The following MVB12B variants were observed in gnomAD, a reference collection of about 807,000 sequenced individuals.
MVB12B encodes the protein ESCRT-I complex subunit MVB12B.
Under a neutral mutation model 41.6 loss-of-function variants are expected in MVB12B, and 16 were observed. The ratio of observed to expected loss-of-function variants is 0.38; its 90% CI spans 0.26 to 0.58. The LOEUF (loss-of-function observed/expected upper bound fraction) is 0.58. Among genes scored for constraint, MVB12B ranks in the 20% least tolerant of loss-of-function variants. The pLI, the probability that MVB12B is intolerant of heterozygous loss-of-function variation, is 0.62. For missense variants in MVB12B, 274 were observed against 380.2 expected, an observed-to-expected ratio of 0.72 and a Z score of 2.32; for synonymous variants, 133 against 139.7, an observed-to-expected ratio of 0.95 and a Z score of 0.34.
chr9:126,342,689 C>T (rs1289079773), intron 2 of MVB12B, among the ~76,000 whole-genome samples: 1 of 152,170 alleles, frequency 6.6e-6, no homozygotes, highest in Non-Finnish European at 1.5e-5. Flanking sequence ...TGGTACTGGC[C>T]TCTGGACTGT....
chr9:126,390,616 T>C (rs529301083), intron 4 of MVB12B, among the ~76,000 whole-genome samples: 1 of 152,190 alleles, frequency 6.6e-6, no homozygotes, highest in African/African-American at 2.4e-5. Flanking sequence ...GGAGACCAAA[T>C]AGTTGATGAA....
chr9:126,359,110 G>A (rs1461901968), intron 2 of MVB12B, among the ~76,000 whole-genome samples: 1 of 150,846 alleles, frequency 6.6e-6, no homozygotes, highest in Non-Finnish European at 1.5e-5. Context: ...GCCCAGGCTG[G>A]TATCCAGTCT....
At chr9:126,331,921 A>G (rs1829141492) in intron 1 of MVB12B, among the ~76,000 whole-genome samples, 1 of 152,274 alleles carries the variant, frequency 6.6e-6, no homozygotes, top group South Asian at 2.1e-4. Flanking sequence ...AATCTCTTCC[A>G]TTAGACCACT....
In MVB12B at chr9:126,336,754, G is replaced by GCGCACA. The variant is rs1554766432; in HGVS notation, c.82-3753_82-3752insGCACAC. 1.1e-3 allele frequency among the ~76,000 whole-genome samples: 158 copies of GCGCACA among 150,402 alleles called. 1 individual carries two copies. Among genetic ancestry groups the GCGCACA allele is most frequent in the African/African-American group, 2.0e-3 (81 of 40,870 alleles). On this transcript the variant is annotated intron_variant, in intron 1 of 9. Coordinates refer to ENST00000361171, the MANE Select transcript of MVB12B (RefSeq NM_033446.3). ...CGCACATACATGTTTGTGTGTGCAC[G>GCGCACA]CACACACACACACACACACACACAC...
In MVB12B at chr9:126,436,428, G is replaced by T. The variant is rs1832481136; in HGVS notation, c.757+14480G>T. Among the ~76,000 whole-genome samples, 1 of 152,242 alleles carries T rather than the reference G, an allele frequency of 6.6e-6. No homozygotes were observed. The highest frequency in any genetic ancestry group is 2.4e-5 in the African/African-American group (1 of 41,466). ...AGATTAATTGTAGCCCTCGCAGTGGGTGGAGTTTCAAAGTCAATTACTGCT... is the reference window on the plus strand; with the variant it reads ...AGATTAATTGTAGCCCTCGCAGTGGTTGGAGTTTCAAAGTCAATTACTGCT... On this transcript the variant is annotated intron_variant, in intron 7 of 9. Transcript: ENST00000361171. The surrounding 1 kb of genome is among the most constrained non-coding windows in gnomAD (Gnocchi z 4.1).
chr9:126,359,938 T>C (rs911141088), intron 2 of MVB12B, among the ~76,000 whole-genome samples: 6 of 152,158 alleles, frequency 3.9e-5, no homozygotes, highest in South Asian at 2.1e-4. Flanking sequence ...TTTTTAACTT[T>C]ATTGTGTTCA....
intron 6 of MVB12B, among the ~76,000 whole-genome samples, chr9:126,419,486 G>C (rs185213654): frequency 6.6e-6 from 1 of 152,310 alleles, no homozygotes; most frequent in East Asian, 1.9e-4. Flanking sequence ...TCCCATACCT[G>C]CCTCGAGGGG....
intron 2 of MVB12B, among the ~76,000 whole-genome samples, chr9:126,345,373 T>C (rs1829559806): frequency 6.6e-6 from 1 of 152,250 alleles, no homozygotes; most frequent in South Asian, 2.1e-4. Flanking sequence ...CACAGGAGTC[T>C]TTCTGGCAAA....
intron 9 of MVB12B, among the ~76,000 whole-genome samples, chr9:126,496,127 C>T (rs1482204777): frequency 6.6e-6 from 1 of 152,044 alleles, no homozygotes; most frequent in Non-Finnish European, 1.5e-5. Context: ...TGCTTTCTCT[C>T]CTTTGCATTG....
chr9:126,366,991 C>T (rs376041269), intron 2 of MVB12B, among the ~76,000 whole-genome samples: 14 of 152,310 alleles, frequency 9.2e-5, no homozygotes, highest in African/African-American at 3.4e-4. Flanking sequence ...CACCCTTCTT[C>T]TGAATGTTCC....
intron 7 of MVB12B, among the ~76,000 whole-genome samples, chr9:126,476,100 C>G (rs867010956): frequency 6.6e-6 from 1 of 151,852 alleles, no homozygotes; most frequent in Admixed American, 6.5e-5. Context: ...GTCCTGAGGG[C>G]CCCCCTTGCT....
At chr9:126,396,756 T>G in intron 6 of MVB12B, 1 of 985,500 alleles carries the variant, frequency 1.0e-6, no homozygotes, top group Non-Finnish European at 1.2e-6. Flanking sequence ...GAGTGGTATT[T>G]AAACTTAACT....
chr9:126,496,172 A>G (rs906460243), intron 9 of MVB12B, among the ~76,000 whole-genome samples: 21 of 150,910 alleles, frequency 1.4e-4, no homozygotes, highest in African/African-American at 4.4e-4. Flanking sequence ...CTCTTCACTC[A>G]CCATCGACTT....
intron 9 of MVB12B, among the ~76,000 whole-genome samples, chr9:126,488,455 C>T (rs193222961): frequency 6.6e-6 from 1 of 152,254 alleles, no homozygotes; most frequent in Admixed American, 6.5e-5. Context: ...TCTCCCCAGG[C>T]TCGCCCACGA....
In MVB12B at chr9:126,415,671, A is replaced by G. The variant is rs112813342; in HGVS notation, c.663-6183A>G. On this transcript the variant is annotated intron_variant, in intron 6 of 9. Transcript: ENST00000361171. ...CTAATTATAAGTCAGAATCAGATCA[A>G]CAAGTAGTAGGTAATCTTAGAGGAT... Among the ~76,000 whole-genome samples the G allele has an allele frequency of 8.7e-3, 1,324 of 152,286 alleles. 24 individuals carry two copies. The highest frequency in any genetic ancestry group is 0.031 in the African/African-American group (1,274 of 41,540).
intron 6 of MVB12B, among the ~76,000 whole-genome samples, chr9:126,412,022 A>G (rs1440282194): frequency 6.6e-6 from 1 of 152,158 alleles, no homozygotes; most frequent in East Asian, 1.9e-4. Flanking sequence ...ACCTGAGCAT[A>G]TGGTCTTTAA....
intron 6 of MVB12B, chr9:126,408,206 G>C (rs1831504355): frequency 6.6e-6 from 1 of 152,210 alleles, no homozygotes; most frequent in African/African-American, 2.4e-5. Flanking sequence ...CCGTCGCCAT[G>C]GTTGTGCGGC....
At chr9:126,422,015 G>A (rs576707869) in intron 7 of MVB12B, 67 bp downstream of exon 7, 19 of 1,128,774 alleles carry the variant, frequency 1.7e-5, no homozygotes, top group East Asian at 4.7e-5. Context: ...CCTTCCACAC[G>A]TTCTCTGTCT....
chr9:126,358,993 T>C (rs1237294), intron 2 of MVB12B, among the ~76,000 whole-genome samples: 124,967 of 152,116 alleles, frequency 0.82, 51,803 homozygotes, highest in South Asian at 0.91. Flanking sequence ...ACATGGATAT[T>C]GAATTTCATC....
Sources: gnomAD v4.1 joint callset for allele counts (sites outside exome capture counted in the v4.1 genomes callset) on GRCh38, gnomAD v4.1.1 for gene constraint, Gnocchi (gnomAD v3.1) non-coding constraint, MANE v1.5 for transcripts, NCBI Gene and HGNC (gene_info 2026-07-23, HGNC 2026-07-21) for gene names.